Variants in PTBP2 observed in about 807,000 individuals in gnomAD.
PTBP2 encodes polypyrimidine tract-binding protein 2.
In PTBP2, 13 loss-of-function variants were observed where a neutral mutation model predicts 61.4. That is an observed-to-expected ratio of 0.21 (90% CI 0.14 to 0.34). PTBP2 has a LOEUF of 0.34. Among genes scored for constraint, PTBP2 ranks in the 10% least tolerant of loss-of-function variants. The pLI, the probability that PTBP2 is intolerant of heterozygous loss-of-function variation, is 1.00. For synonymous variants in PTBP2, 215 were observed against 218.5 expected (o/e 0.98, Z 0.14); for missense variants, 405 against 642.6 (o/e 0.63, Z 4.00).
intron 11 of PTBP2, among the ~76,000 whole-genome samples, chr1:96,809,754 A>T (rs753227718): frequency 3.3e-5 from 5 of 152,194 alleles, no homozygotes; most frequent in Non-Finnish European, 7.4e-5. Flanking sequence ...TAATGGGAAT[A>T]TAAAATACTT....
At chr1:96,775,581 G>A (rs1204670931) in intron 5 of PTBP2, among the ~76,000 whole-genome samples, 1 of 152,110 alleles carries the variant, frequency 6.6e-6, no homozygotes, top group Non-Finnish European at 1.5e-5. Flanking sequence ...GCGTGAGTAT[G>A]GCTTCTAGAG....
chr1:96,790,300 C>T (rs553761501), intron 8 of PTBP2, among the ~76,000 whole-genome samples: 1 of 150,382 alleles, frequency 6.6e-6, no homozygotes, highest in South Asian at 2.1e-4. Context: ...TCTTGTGCTT[C>T]CTATTGTGTC....
chr1:96,726,632 T>A (rs1444269937), intron 2 of PTBP2, among the ~76,000 whole-genome samples: 1 of 151,990 alleles, frequency 6.6e-6, no homozygotes, highest in Non-Finnish European at 1.5e-5. Flanking sequence ...AGAGACAGAG[T>A]TTCACCATGT....
At chr1:96,722,031 C>A (rs903934423) in intron 1 of PTBP2, among the ~76,000 whole-genome samples, 159 bp downstream of exon 1, 10 of 152,010 alleles carry the variant, frequency 6.6e-5, no homozygotes, top group Admixed American at 2.6e-4. Context: ...CCCTTTGCTT[C>A]CCCCGGCGGG....
intron 3 of PTBP2, among the ~76,000 whole-genome samples, 186 bp downstream of exon 3, chr1:96,751,686 AC>A (rs1200659913): frequency 6.6e-6 from 1 of 150,878 alleles, no homozygotes; most frequent in Non-Finnish European, 1.5e-5. Context: ...GAAGCTGGTA[AC>A]TTTGGTGAAC....
intron 8 of PTBP2, among the ~76,000 whole-genome samples, chr1:96,793,463 G>C (rs1660060849): frequency 6.6e-6 from 1 of 152,072 alleles, no homozygotes. Context: ...TCCGCCTCCT[G>C]GGTTCACGCC....
chr1:96,725,493 G>A (rs1190151820), intron 2 of PTBP2, among the ~76,000 whole-genome samples: 2 of 151,802 alleles, frequency 1.3e-5, no homozygotes, highest in Non-Finnish European at 2.9e-5. Context: ...TAGAGACGGG[G>A]TTTCACCGTG....
chr1:96,769,488 A>C (rs578244562), intron 3 of PTBP2, among the ~76,000 whole-genome samples: 411 of 152,162 alleles, frequency 2.7e-3, no homozygotes, highest in African/African-American at 9.4e-3. Context: ...CATTAACAGC[A>C]ATCTTAAATA....
intron 7 of PTBP2, among the ~76,000 whole-genome samples, chr1:96,779,893 C>T (rs1219390753): frequency 6.6e-6 from 1 of 150,842 alleles, no homozygotes; most frequent in East Asian, 1.9e-4. Context: ...CAATTGGTAC[C>T]AGTTTAAATC....
chr1:96,776,410 A>G (rs12075038), intron 5 of PTBP2, among the ~76,000 whole-genome samples: 88,076 of 151,790 alleles, frequency 0.58, 26,217 homozygotes, highest in African/African-American at 0.71. Context: ...AGTCATTTTG[A>G]CTAATACATA....
chr1:96,815,369 A>G (rs537557342), downstream of PTBP2: 11 of 152,310 alleles, frequency 7.2e-5, no homozygotes, highest in East Asian at 1.7e-3. Context: ...AAAGAGCAGC[A>G]TATCTGCATA....
chr1:96,817,458 C>T (rs1490380986), downstream of PTBP2: 1 of 151,990 alleles, frequency 6.6e-6, no homozygotes, highest in Admixed American at 6.6e-5. Flanking sequence ...TGAATAGCTT[C>T]CCTTTAAATT....
chr1:96,765,382 C>T (rs1469656575), intron 3 of PTBP2, among the ~76,000 whole-genome samples: 6 of 152,200 alleles, frequency 3.9e-5, no homozygotes, highest in East Asian at 1.9e-4. Context: ...GAAAGTATAA[C>T]GGTGAATGAG....
intron 11 of PTBP2, among the ~76,000 whole-genome samples, chr1:96,811,276 TA>T (rs1662056594): frequency 6.6e-6 from 1 of 152,354 alleles, no homozygotes; most frequent in South Asian, 2.1e-4. Context: ...TTCATGGATT[TA>T]ACCAGTTCTT....
intron 2 of PTBP2, among the ~76,000 whole-genome samples, chr1:96,731,963 G>A (rs990637859): frequency 2.0e-5 from 3 of 152,054 alleles, no homozygotes; most frequent in African/African-American, 2.4e-5. Flanking sequence ...TCCCCAATAC[G>A]GTAAAATGTT....
chr1:96,813,306 A>G lies in PTBP2; in HGVS notation c.1497A>G (p.Ala499=). 1 of 1,607,618 alleles carries G rather than the reference A, an allele frequency of 6.2e-7. No homozygotes were observed. The highest frequency in any genetic ancestry group is 1.3e-5 in the African/African-American group (1 of 74,664). ...QDHKMALLQM[A]TVEEAIQALI... ...ACAAAATGGCTCTTCTTCAGATGGC[A>G]ACAGTGGAAGAAGCTATTCAGGCCT... Residue 499 remains alanine, a synonymous_variant, in exon 14 of 14, where the codon GCA becomes GCG. Transcript: ENST00000674951.
chr1:96,762,503 G>T (rs1157356424), intron 3 of PTBP2, among the ~76,000 whole-genome samples: 2 of 27,134 alleles, frequency 7.4e-5, no homozygotes, highest in Admixed American at 3.6e-4. Context: ...GCTGACCCCC[G>T]CCACCTCCCT....
At chr1:96,783,648 T>C (rs1387857079) in intron 7 of PTBP2, among the ~76,000 whole-genome samples, 4 of 151,368 alleles carry the variant, frequency 2.6e-5, no homozygotes, top group Non-Finnish European at 4.4e-5. Context: ...TTGCTACTTA[T>C]CTTTTGATAT....
intron 2 of PTBP2, among the ~76,000 whole-genome samples, chr1:96,739,704 G>C (rs905363284): frequency 1.4e-5 from 2 of 138,390 alleles, no homozygotes; most frequent in Non-Finnish European, 3.0e-5. Context: ...TCTGCTCACT[G>C]CAAGCTCCAC....
Sources: gnomAD v4.1 joint callset for allele counts (sites outside exome capture counted in the v4.1 genomes callset) on GRCh38, gnomAD v4.1.1 for gene constraint, MANE v1.5 for transcripts, NCBI Gene and HGNC (gene_info 2026-07-23, HGNC 2026-07-21) for gene names.